The following KCNH5 variants were observed in gnomAD, a reference collection of about 807,000 sequenced individuals.
KCNH5 encodes voltage-gated delayed rectifier potassium channel KCNH5.
A neutral mutation model predicts 96.1 loss-of-function variants in KCNH5; 46 were observed. That is an observed-to-expected ratio of 0.48 (90% CI 0.38 to 0.61). KCNH5 has a LOEUF of 0.61. Among genes scored for constraint, KCNH5 ranks in the 20% least tolerant of loss-of-function variants. The probability of loss-of-function intolerance (pLI) is 0.00; values close to 1 mark genes in which losing one functional copy is unlikely to be tolerated. For synonymous variants in KCNH5, 439 were observed against 449.8 expected (o/e 0.98, Z 0.30); for missense variants, 907 against 1,225.8 (o/e 0.74, Z 3.88).
chr14:62,778,747 G>C (rs1026354427), intron 10 of KCNH5, among the ~76,000 whole-genome samples: 1 of 152,164 alleles, frequency 6.6e-6, no homozygotes, highest in South Asian at 2.1e-4. Context: ...GATAACAAAC[G>C]TATGAACTGA....
intron 10 of KCNH5, chr14:62,712,836 G>C (rs900697900): frequency 4.3e-6 from 3 of 695,928 alleles, no homozygotes; most frequent in South Asian, 3.1e-5. Context: ...CCAAAGCAGA[G>C]CCAGTAGGCT....
chr14:62,903,869 T>C (rs1051689931), intron 7 of KCNH5, among the ~76,000 whole-genome samples: 1 of 152,006 alleles, frequency 6.6e-6, no homozygotes, highest in Admixed American at 6.5e-5. Context: ...TACTAAAAAG[T>C]AGATCTAATA....
intron 7 of KCNH5, among the ~76,000 whole-genome samples, chr14:62,895,823 C>T (rs1378925063): frequency 6.6e-6 from 1 of 152,080 alleles, no homozygotes; most frequent in Non-Finnish European, 1.5e-5. Flanking sequence ...AAAGGTTCAT[C>T]AGCATTACTT....
intron 10 of KCNH5, among the ~76,000 whole-genome samples, chr14:62,728,766 C>A (rs1391823486): frequency 6.6e-6 from 1 of 152,100 alleles, no homozygotes; most frequent in African/African-American, 2.4e-5. Flanking sequence ...ATCTGAAGAA[C>A]TTTGAAGTGT....
intron 1 of KCNH5, among the ~76,000 whole-genome samples, chr14:63,034,181 G>A (rs1435598699): frequency 6.6e-6 from 1 of 152,124 alleles, no homozygotes; most frequent in Non-Finnish European, 1.5e-5. Context: ...GCCTTCCAAA[G>A]TGCTGGGATT....
chr14:63,017,941 T>C (rs1891356351), intron 1 of KCNH5, among the ~76,000 whole-genome samples: 1 of 120,016 alleles, frequency 8.3e-6, no homozygotes, highest in African/African-American at 3.4e-5. Context: ...GTAGTTGCTG[T>C]ATAAAAAACT....
At chr14:62,736,297 C>T (rs1885155010) in intron 10 of KCNH5, among the ~76,000 whole-genome samples, 1 of 152,090 alleles carries the variant, frequency 6.6e-6, no homozygotes, top group African/African-American at 2.4e-5. Context: ...CAAAATCCTC[C>T]ACTGGCTTCC....
At chr14:62,964,266 C>T (rs543287294) in intron 6 of KCNH5, among the ~76,000 whole-genome samples, 1 of 152,158 alleles carries the variant, frequency 6.6e-6, no homozygotes, top group South Asian at 2.1e-4. Flanking sequence ...GAAAAATATC[C>T]ATCCTTATAC....
At chr14:62,837,848 G>C (rs1367927062) in intron 8 of KCNH5, among the ~76,000 whole-genome samples, 3 of 152,152 alleles carry the variant, frequency 2.0e-5, no homozygotes, top group Non-Finnish European at 2.9e-5. Flanking sequence ...GATTAAACAA[G>C]TGAAGTCTCT....
At chr14:62,777,816 C>A (rs1269600806) in intron 10 of KCNH5, among the ~76,000 whole-genome samples, 1 of 151,940 alleles carries the variant, frequency 6.6e-6, no homozygotes, top group East Asian at 1.9e-4. Flanking sequence ...CACCAGTGTG[C>A]ACTCAGCTGT....
intron 4 of KCNH5, among the ~76,000 whole-genome samples, chr14:62,993,028 A>G (rs1890840612): frequency 6.6e-6 from 1 of 152,096 alleles, no homozygotes; most frequent in Non-Finnish European, 1.5e-5. Context: ...ATTCTTCTGC[A>G]TATGGCAATC....
intron 10 of KCNH5, among the ~76,000 whole-genome samples, chr14:62,723,945 C>T (rs756560324): frequency 1.3e-5 from 2 of 152,118 alleles, no homozygotes; most frequent in African/African-American, 2.4e-5. Flanking sequence ...CTTTTATTTG[C>T]CATCTAGATT....
intron 6 of KCNH5, among the ~76,000 whole-genome samples, chr14:62,969,338 C>T (rs2139554812): frequency 6.6e-6 from 1 of 152,256 alleles, no homozygotes; most frequent in Middle Eastern, 3.4e-3. Flanking sequence ...ATAATCTATA[C>T]TTTCACCTTT....
At chr14:62,825,229 T>C (rs868259642) in intron 8 of KCNH5, among the ~76,000 whole-genome samples, 1 of 152,122 alleles carries the variant, frequency 6.6e-6, no homozygotes. Context: ...CCACCAACAG[T>C]ATGGAAATCT....
At chr14:62,796,020 G>A (rs577176360) in intron 9 of KCNH5, among the ~76,000 whole-genome samples, 1 of 152,272 alleles carries the variant, frequency 6.6e-6, no homozygotes, top group East Asian at 1.9e-4. Flanking sequence ...AGTACGGTGA[G>A]AATAGGGTAG....
chr14:62,921,957 A>T (rs1242379777), intron 7 of KCNH5, among the ~76,000 whole-genome samples: 1 of 152,132 alleles, frequency 6.6e-6, no homozygotes, highest in Non-Finnish European at 1.5e-5. Flanking sequence ...AGCTTAAAAC[A>T]TGCTTGCAAT....
chr14:62,923,955 A>G (rs1447943800), intron 7 of KCNH5, among the ~76,000 whole-genome samples: 1 of 151,976 alleles, frequency 6.6e-6, no homozygotes, highest in Non-Finnish European at 1.5e-5. Flanking sequence ...CAACAAAAGT[A>G]AAAACAAACA....
At chr14:62,975,029 C>G (rs1890475178) in intron 6 of KCNH5, among the ~76,000 whole-genome samples, 1 of 152,062 alleles carries the variant, frequency 6.6e-6, no homozygotes, top group South Asian at 2.1e-4. Context: ...TTATAATCAC[C>G]TTGTGATATA....
chr14:63,026,087 A>G (rs558189795), intron 1 of KCNH5, among the ~76,000 whole-genome samples: 1 of 152,218 alleles, frequency 6.6e-6, no homozygotes, highest in South Asian at 2.1e-4. Context: ...GATTTTCAGC[A>G]AAGATACCAA....
Sources: allele counts gnomAD v4.1 joint callset (sites outside exome capture counted in the v4.1 genomes callset), GRCh38; gene constraint gnomAD v4.1.1; transcripts MANE v1.5; gene names NCBI Gene and HGNC (gene_info 2026-07-23, HGNC 2026-07-21).